The following ST6GALNAC3 variants were observed in gnomAD, a reference collection of about 807,000 sequenced individuals.
The protein encoded by ST6GALNAC3 is ST6 N-acetylgalactosaminide alpha-2,6-sialyltransferase 3.
ST6GALNAC3 carries 25 observed loss-of-function variants against 32.7 expected under a neutral mutation model. That is an observed-to-expected ratio of 0.76 (90% CI 0.56 to 1.07). The LOEUF is 1.07. Ranked by LOEUF, ST6GALNAC3 falls within the 50% of genes least tolerant of loss-of-function variation. ST6GALNAC3 has a pLI of 0.00. For synonymous variants in ST6GALNAC3, 129 were observed against 133.1 expected (o/e 0.97, Z 0.21); for missense variants, 355 against 382.4 (o/e 0.93, Z 0.60).
At chr1:76,193,841 CCTT>C (rs1301798300) in intron 1 of ST6GALNAC3, among the ~76,000 whole-genome samples, 3 of 152,172 alleles carry the variant, frequency 2.0e-5, no homozygotes, top group Non-Finnish European at 4.4e-5. Flanking sequence ...TTCATGGCCT[CCTT>C]CTTACTGTAT....
intron 3 of ST6GALNAC3, among the ~76,000 whole-genome samples, chr1:76,440,853 C>T (rs2101502732): frequency 6.6e-6 from 1 of 152,126 alleles, no homozygotes; most frequent in South Asian, 2.1e-4. Flanking sequence ...TTTGGGAGGC[C>T]AAGGTGTGTG....
At chr1:76,230,215 C>A (rs1464681874) in intron 1 of ST6GALNAC3, among the ~76,000 whole-genome samples, 4 of 152,148 alleles carry the variant, frequency 2.6e-5, no homozygotes, top group Non-Finnish European at 1.5e-5. Context: ...TTAAGGAGTA[C>A]ATATAAGCGT....
chr1:76,132,738 C>T (rs1214622447), intron 1 of ST6GALNAC3, among the ~76,000 whole-genome samples: 3 of 152,170 alleles, frequency 2.0e-5, no homozygotes, highest in East Asian at 3.9e-4. Flanking sequence ...TCCACCACCT[C>T]GCTCATTGTC....
rs11809748 is a variant in ST6GALNAC3, at chr1:76,461,440, A to G, written c.623+49023A>G. On this transcript the variant is annotated intron_variant, in intron 3 of 4. Coordinates refer to ENST00000328299, the MANE Select transcript of ST6GALNAC3 (RefSeq NM_152996.4). ...GCATAAAATTATTTAAAAACATACA[A>G]TTAAACACTTCAGATGACAGTGTTA... Among the ~76,000 whole-genome samples the G allele has an allele frequency of 1.5e-3, 227 of 152,322 alleles. 1 individual carries two copies. The highest frequency in any genetic ancestry group is 5.0e-3 in the African/African-American group (209 of 41,570).
At chr1:76,488,549 G>T (rs553018446) in intron 3 of ST6GALNAC3, among the ~76,000 whole-genome samples, 1 of 152,326 alleles carries the variant, frequency 6.6e-6, no homozygotes, top group Non-Finnish European at 1.5e-5. Flanking sequence ...GATCCATGCT[G>T]TATTTATACA....
At chr1:76,524,144 C>T (rs1352186785) in intron 3 of ST6GALNAC3, among the ~76,000 whole-genome samples, 1 of 152,136 alleles carries the variant, frequency 6.6e-6, no homozygotes, top group Non-Finnish European at 1.5e-5. Context: ...CTTCATGCAA[C>T]AAAAAGCCTG....
intron 2 of ST6GALNAC3, among the ~76,000 whole-genome samples, chr1:76,332,352 C>T (rs1647203755): frequency 6.6e-6 from 1 of 152,152 alleles, no homozygotes. Context: ...TCATTTTTCT[C>T]ATCTTCTAAT....
intron 3 of ST6GALNAC3, among the ~76,000 whole-genome samples, chr1:76,589,315 T>C (rs867674077): frequency 2.0e-5 from 3 of 152,192 alleles, no homozygotes; most frequent in South Asian, 2.1e-4. Context: ...TCATGCACTT[T>C]CCCAGGTTAA....
At chr1:76,185,884 A>T (rs1339875912) in intron 1 of ST6GALNAC3, among the ~76,000 whole-genome samples, 38 of 152,230 alleles carry the variant, frequency 2.5e-4, no homozygotes, top group Non-Finnish European at 4.4e-5. Context: ...GTCTGAAACA[A>T]TACAGTATAA....
chr1:76,244,287 A>G (rs1214826290), intron 1 of ST6GALNAC3, among the ~76,000 whole-genome samples: 1 of 152,146 alleles, frequency 6.6e-6, no homozygotes, highest in Non-Finnish European at 1.5e-5. Context: ...TGATTTTTGC[A>G]CATTGATTTT....
chr1:76,402,309 T>C (rs1653487223), intron 2 of ST6GALNAC3, among the ~76,000 whole-genome samples: 1 of 152,204 alleles, frequency 6.6e-6, no homozygotes, highest in South Asian at 2.1e-4. Flanking sequence ...AGTCTTAGAA[T>C]GTACAATGTA....
downstream of ST6GALNAC3, among the ~76,000 whole-genome samples, chr1:76,635,656 T>G (rs985055577): frequency 2.6e-5 from 4 of 152,198 alleles, no homozygotes; most frequent in African/African-American, 9.7e-5. Context: ...TGTTTCTCCC[T>G]CAAACATAAA....
intron 3 of ST6GALNAC3, among the ~76,000 whole-genome samples, chr1:76,554,425 C>T (rs1185721680): frequency 2.6e-5 from 4 of 152,118 alleles, no homozygotes; most frequent in African/African-American, 9.7e-5. Flanking sequence ...AAAAACCCCT[C>T]AACCTGAAAA....
chr1:76,622,600 T>G (rs1490988988), intron 3 of ST6GALNAC3, among the ~76,000 whole-genome samples: 1 of 151,928 alleles, frequency 6.6e-6, no homozygotes, highest in Non-Finnish European at 1.5e-5. Context: ...TGATAAAATG[T>G]ATAAGAGAAC....
intron 3 of ST6GALNAC3, among the ~76,000 whole-genome samples, chr1:76,446,235 TC>T (rs1391459723): frequency 2.6e-5 from 4 of 152,198 alleles, no homozygotes; most frequent in Non-Finnish European, 5.9e-5. Flanking sequence ...TACAGCATTA[TC>T]CCATATACCC....
At chr1:76,143,274 G>A (rs576867585) in intron 1 of ST6GALNAC3, among the ~76,000 whole-genome samples, 1 of 152,134 alleles carries the variant, frequency 6.6e-6, no homozygotes, top group Admixed American at 6.5e-5. Flanking sequence ...AGTGCCTATA[G>A]AGCATGCCAT....
At chr1:76,214,869 A>C (rs928926295) in intron 1 of ST6GALNAC3, among the ~76,000 whole-genome samples, 7 of 152,178 alleles carry the variant, frequency 4.6e-5, no homozygotes, top group African/African-American at 1.7e-4. Flanking sequence ...AGAGCATGAG[A>C]CTTGAAATTA....
At chr1:76,457,813 C>T (rs1444113749) in intron 3 of ST6GALNAC3, among the ~76,000 whole-genome samples, 2 of 150,818 alleles carry the variant, frequency 1.3e-5, no homozygotes, top group Non-Finnish European at 3.0e-5. Flanking sequence ...CCATTCAGGA[C>T]ATAGGCATGG....
chr1:76,616,787 A>AT (rs1230166144), intron 3 of ST6GALNAC3, among the ~76,000 whole-genome samples: 2 of 152,118 alleles, frequency 1.3e-5, no homozygotes, highest in Non-Finnish European at 2.9e-5. Flanking sequence ...TATCACTTAG[A>AT]TTTTCCTATT....
Sources: gnomAD v4.1 joint callset for allele counts (sites outside exome capture counted in the v4.1 genomes callset) on GRCh38, gnomAD v4.1.1 for gene constraint, MANE v1.5 for transcripts, NCBI Gene and HGNC (gene_info 2026-07-23, HGNC 2026-07-21) for gene names.